Variants in TMEM163 observed in about 807,000 individuals in gnomAD.
TMEM163 encodes transmembrane protein 163.
In TMEM163, 17 loss-of-function variants were observed where a neutral mutation model predicts 29.3. The ratio of observed to expected loss-of-function variants is 0.58; its 90% CI spans 0.40 to 0.87. The LOEUF (loss-of-function observed/expected upper bound fraction) is 0.87, where lower values mean the gene tolerates loss of function less well. TMEM163 is among the 40% of genes least tolerant of loss of function. TMEM163 has a pLI of 0.00. For missense variants in TMEM163, 303 were observed against 381.5 expected, an observed-to-expected ratio of 0.79 and a Z score of 1.71; for synonymous variants, 157 against 160.6, an observed-to-expected ratio of 0.98 and a Z score of 0.17.
chr2:134,557,730 A>C (rs1273203193), intron 2 of TMEM163, among the ~76,000 whole-genome samples: 1 of 152,202 alleles, frequency 6.6e-6, no homozygotes, highest in African/African-American at 2.4e-5. Context: ...CAGAGGAAGC[A>C]ATTGGATATA....
intron 2 of TMEM163, among the ~76,000 whole-genome samples, chr2:134,695,560 A>G (rs1312931496): frequency 1.3e-5 from 2 of 152,152 alleles, no homozygotes; most frequent in East Asian, 3.8e-4. Context: ...AAGACATGAA[A>G]CTACCTTTTA....
intron 5 of TMEM163, chr2:134,470,071 T>A (rs1686762536): frequency 6.6e-6 from 1 of 152,490 alleles, no homozygotes; most frequent in East Asian, 1.9e-4. Context: ...TAAAACTTCA[T>A]ACGAGGCTGG....
intron 3 of TMEM163, among the ~76,000 whole-genome samples, chr2:134,551,590 C>T (rs1680925674): frequency 6.6e-6 from 1 of 152,158 alleles, no homozygotes; most frequent in African/African-American, 2.4e-5. Context: ...GCCTGTGAAG[C>T]AGAGACCCAC....
chr2:134,457,885 C>G, intron 7 of TMEM163, 147 bp downstream of exon 7: 1 of 1,328,804 alleles, frequency 7.5e-7, no homozygotes, highest in East Asian at 2.3e-5. Context: ...GGGTGCTTTT[C>G]CAGTCACCTG....
chr2:134,467,974 T>A (rs1395677956), intron 5 of TMEM163: 1 of 152,194 alleles, frequency 6.6e-6, no homozygotes, highest in Non-Finnish European at 1.5e-5. Context: ...AAACCAGGCC[T>A]CTTGACAACT....
chr2:134,684,432 G>A (rs539474153), intron 2 of TMEM163, among the ~76,000 whole-genome samples: 2 of 152,230 alleles, frequency 1.3e-5, no homozygotes, highest in Admixed American at 1.3e-4. Flanking sequence ...AGGCTCAGGT[G>A]GTGCCTTGAA....
At chr2:134,699,866 C>T (rs1684660293) in intron 2 of TMEM163, among the ~76,000 whole-genome samples, 1 of 151,946 alleles carries the variant, frequency 6.6e-6, no homozygotes. Context: ...ATGGTAACAC[C>T]CTTTATGCCT....
chr2:134,543,322 C>T (rs950487439), intron 4 of TMEM163, among the ~76,000 whole-genome samples: 1 of 152,206 alleles, frequency 6.6e-6, no homozygotes, highest in Non-Finnish European at 1.5e-5. Flanking sequence ...AATGGCTCCA[C>T]CTTCTGCCTT....
intron 2 of TMEM163, among the ~76,000 whole-genome samples, chr2:134,580,493 T>A (rs1681667092): frequency 6.6e-6 from 1 of 152,246 alleles, no homozygotes; most frequent in Non-Finnish European, 1.5e-5. Flanking sequence ...CTTCCCCACA[T>A]ACTATATACT....
intron 4 of TMEM163, among the ~76,000 whole-genome samples, chr2:134,547,804 C>T (rs1680825008): frequency 6.6e-6 from 1 of 152,160 alleles, no homozygotes; most frequent in South Asian, 2.1e-4. Flanking sequence ...GCCTTTTCGA[C>T]AATGATATAT....
chr2:134,594,117 C>G (rs1324914678), intron 2 of TMEM163, among the ~76,000 whole-genome samples: 1 of 152,170 alleles, frequency 6.6e-6, no homozygotes, highest in African/African-American at 2.4e-5. Flanking sequence ...AACTTCCCCA[C>G]CTTACCCAGC....
chr2:134,605,112 G>A (rs1184769389), intron 2 of TMEM163, among the ~76,000 whole-genome samples: 1 of 151,714 alleles, frequency 6.6e-6, no homozygotes, highest in African/African-American at 2.4e-5. Context: ...GGGAAGCGGA[G>A]GTTACAGTGA....
intron 2 of TMEM163, among the ~76,000 whole-genome samples, chr2:134,624,841 C>T (rs557674029): frequency 2.0e-5 from 3 of 148,954 alleles, no homozygotes; most frequent in Non-Finnish European, 3.0e-5. Flanking sequence ...CCCAAGGAGG[C>T]GGAGGTTGCT....
chr2:134,636,467 A>C (rs1415466939), intron 2 of TMEM163, among the ~76,000 whole-genome samples: 1 of 152,214 alleles, frequency 6.6e-6, no homozygotes, highest in East Asian at 1.9e-4. Flanking sequence ...ATTATAACTG[A>C]GACAGTGAAA....
intron 2 of TMEM163, among the ~76,000 whole-genome samples, chr2:134,616,280 GCTTCACCAGAGAGCCCTT>G (rs1682607617): frequency 6.6e-6 from 1 of 152,184 alleles, no homozygotes. Flanking sequence ...ACCTGGGGAA[GCTTCACCAGAGAGCCCTT>G]CTTCACCATG....
chr2:134,497,830 T>C (rs1679606663), intron 5 of TMEM163, among the ~76,000 whole-genome samples: 1 of 152,118 alleles, frequency 6.6e-6, no homozygotes. Context: ...CAAAGACAGC[T>C]ACAGCTGACT....
intron 6 of TMEM163, among the ~76,000 whole-genome samples, chr2:134,464,246 C>T (rs1686613155): frequency 6.6e-6 from 1 of 152,104 alleles, no homozygotes; most frequent in Non-Finnish European, 1.5e-5. Flanking sequence ...GCAGGGGCCA[C>T]CTTCCCTGGG....
chr2:134,535,922 C>T (rs1208739844), intron 4 of TMEM163, among the ~76,000 whole-genome samples: 4 of 152,038 alleles, frequency 2.6e-5, no homozygotes, highest in Admixed American at 2.0e-4. Flanking sequence ...AGGGTTTCGC[C>T]ATGTTGGCCA....
At chr2:134,503,501 C>G (rs911595751) in intron 4 of TMEM163, among the ~76,000 whole-genome samples, 11 of 152,138 alleles carry the variant, frequency 7.2e-5, no homozygotes, top group African/African-American at 2.7e-4. Context: ...AGACAATGCA[C>G]CAAACATAAA....
Sources: gnomAD v4.1 joint callset for allele counts (sites outside exome capture counted in the v4.1 genomes callset) on GRCh38, gnomAD v4.1.1 for gene constraint, MANE v1.5 for transcripts, NCBI Gene and HGNC (gene_info 2026-07-23, HGNC 2026-07-21) for gene names.